The following DDOST variants were observed in gnomAD, a reference collection of about 807,000 sequenced individuals.
The protein encoded by DDOST is dolichyl-diphosphooligosaccharide--protein glycosyltransferase 48 kDa subunit.
In DDOST, 25 loss-of-function variants were observed where a neutral mutation model predicts 47.6. The ratio of observed to expected loss-of-function variants is 0.53; its 90% CI spans 0.38 to 0.73. The LOEUF (loss-of-function observed/expected upper bound fraction) is 0.73, where lower values mean the gene tolerates loss of function less well. Among genes scored for constraint, DDOST ranks in the 30% least tolerant of loss-of-function variants. The probability of loss-of-function intolerance (pLI) is 0.00; values close to 1 mark genes in which losing one functional copy is unlikely to be tolerated. For synonymous variants in DDOST, 275 were observed against 236.0 expected, an observed-to-expected ratio of 1.17 and a Z score of -1.51; for missense variants, 526 against 573.9, an observed-to-expected ratio of 0.92 and a Z score of 0.85.
rs2154534168 is a variant in DDOST at position 20,652,200 on chromosome 1, A to C, written c.*179T>G. ...ACTTTTAGCAATTCAAAGTGGAAAAACTTCTTTTATATAAAAATTATCCCA... is the reference window on the plus strand; with the variant it reads ...ACTTTTAGCAATTCAAAGTGGAAAACCTTCTTTTATATAAAAATTATCCCA... On this transcript the variant is annotated 3_prime_UTR_variant, in exon 11 of 11. Transcript: ENST00000602624. The C allele has an allele frequency of 3.5e-6, 2 of 577,350 alleles. No homozygotes were observed. Among genetic ancestry groups the C allele is most frequent in the Non-Finnish European group, 5.6e-6 (2 of 356,956 alleles). The allele number at this position is 577,350 out of a possible 1,614,324, so 35.8% of individuals were successfully genotyped here. A position where few individuals can be genotyped will look rare whatever the true frequency, so the allele number is the denominator to read the frequency against.
chr1:20,653,011 T>G, intron 8 of DDOST, 40 bp from the exon 9 acceptor site: 1 of 1,610,976 alleles, frequency 6.2e-7, no homozygotes. Context: ...TGGCCATGAC[T>G]GGAGGCCTTC....
chr1:20,655,914 T>A (rs527254326), intron 3 of DDOST, 135 bp from the exon 4 acceptor site: 1 of 825,706 alleles, frequency 1.2e-6, no homozygotes, highest in African/African-American at 1.7e-5. Flanking sequence ...CAGCCCCAGA[T>A]GGACCCCTGG....
intron 2 of DDOST, 120 bp downstream of exon 2, chr1:20,660,761 G>T: frequency 1.6e-6 from 1 of 642,370 alleles, no homozygotes. Context: ...CTCCGTGGTA[G>T]CACCATCCAG....
At chr1:20,655,171 G>GTTTTTTT (rs869053335) in intron 5 of DDOST, among the ~76,000 whole-genome samples, 2 of 77,214 alleles carry the variant, frequency 2.6e-5, no homozygotes, top group Non-Finnish European at 2.7e-5. Context: ...ACTTTTTTTT[G>GTTTTTTT]TTTTTTTTTT....
At chr1:20,655,419 T>C in intron 5 of DDOST, 21 bp downstream of exon 5, 4 of 1,586,892 alleles carry the variant, frequency 2.5e-6, no homozygotes, top group Non-Finnish European at 3.4e-6. Context: ...TCTGCTGTCC[T>C]CTCCCTGCTC....
rs147377271 is a variant in DDOST at position 20,660,574 on chromosome 1, C to T, written c.265+307G>A. 10 of 219,920 alleles carry T rather than the reference C, an allele frequency of 4.5e-5. No individual in the cohort carries two copies. The East Asian group carries it at 8.5e-4, about 19-fold the overall frequency. The allele number at this position is 219,920 out of a possible 1,614,324, so 13.6% of individuals were successfully genotyped here. On this transcript the variant is annotated intron_variant, in intron 2 of 10. Coordinates refer to ENST00000602624, the MANE Select transcript of DDOST (RefSeq NM_005216.5). ...CCTCTTTCCACCCAGGCAAACCCAA[C>T]CCAGGAGCTTTCCATCTTTTTATCA...
chr1:20,655,667 C>T lies in DDOST; in HGVS notation c.456+9G>A. 6.2e-7 allele frequency: 1 copy of T among 1,611,054 alleles called. No individual in the cohort carries two copies. The highest frequency in any genetic ancestry group is 1.3e-5 in the African/African-American group (1 of 74,972). ...CCCCTGAAACCTGGAAGGTGACAGGCCTGATTACCTGGCCAAGGTCTGAGA... is the reference window on the plus strand; with the variant it reads ...CCCCTGAAACCTGGAAGGTGACAGGTCTGATTACCTGGCCAAGGTCTGAGA... On this transcript the variant is annotated intron_variant, in intron 4 of 10. Transcript: ENST00000602624.
Position 20,652,396 on chromosome 1 carries a change from TCTC to T in DDOST, c.1300_1302del (p.Glu434del), listed in dbSNP as rs780174398. On this transcript the variant is annotated inframe_deletion, in exon 11 of 11. Coordinates refer to ENST00000602624, the MANE Select transcript of DDOST (RefSeq NM_005216.5). Reference sequence around the variant, plus strand: ...CTAGCCCCTCAGTCGGACTTCTCCTTCTCCTTCATGTGCAAGAAGACGATGCTG... The same window carrying T: ...CTAGCCCCTCAGTCGGACTTCTCCTTCTTCATGTGCAAGAAGACGATGCTG... 27 of 1,613,158 alleles carry T rather than the reference TCTC, an allele frequency of 1.7e-5. No homozygotes were observed. Among genetic ancestry groups the T allele is most frequent in the South Asian group, 5.5e-5 (5 of 90,964 alleles).
intron 8 of DDOST, 123 bp downstream of exon 8, chr1:20,653,504 T>G (rs546866931): frequency 9.7e-7 from 1 of 1,033,546 alleles, no homozygotes; most frequent in Non-Finnish European, 1.4e-6. Context: ...GGTGTAGGGA[T>G]TAACTTATTC....
In DDOST at chr1:20,655,437, C is replaced by T; in HGVS notation, c.551+3G>A. On this transcript the variant is annotated splice_donor_region_variant and intron_variant, in intron 5 of 10. Transcript: ENST00000602624. ...GCTGTCCTCTCCCTGCTCACTCACT[C>T]ACCCAACACCTCGAAAGAGGATGGG... The T allele has an allele frequency of 6.2e-7, 1 of 1,611,218 alleles. No individual in the cohort carries two copies. Among genetic ancestry groups the T allele is most frequent in the Non-Finnish European group, 8.5e-7 (1 of 1,177,898 alleles).
chr1:20,654,168 A>G, intron 7 of DDOST, 55 bp downstream of exon 7: 1 of 1,545,304 alleles, frequency 6.5e-7, no homozygotes, highest in Admixed American at 2.0e-5. Context: ...AGTCCTCCCC[A>G]TATACACACA....
chr1:20,652,722 T>C lies in DDOST; in HGVS notation c.1069A>G (p.Lys357Glu). 6.2e-7 allele frequency: 1 copy of C among 1,614,216 alleles called. No individual in the cohort carries two copies. The highest frequency in any genetic ancestry group is 8.5e-7 in the Non-Finnish European group (1 of 1,180,024). Residue 357 changes from lysine (K) to glutamate (E), a missense_variant, in exon 10 of 11, where the codon AAA becomes GAA. Physicochemically the swap from Lys to Glu is moderately conservative, Grantham distance 56 (BLOSUM62 1). Coordinates refer to ENST00000602624, the MANE Select transcript of DDOST (RefSeq NM_005216.5). Reference sequence around the variant, plus strand: ...GGCAACTTGAACTGAACACTGTATTTGCCACCTGCGGAAGAACCAACAAGA... The same window carrying C: ...GGCAACTTGAACTGAACACTGTATTCGCCACCTGCGGAAGAACCAACAAGA... The part of the protein sequence containing the change: ...VRTFLKKKGG[K>E]YSVQFKLPDV...
At chr1:20,658,982 A>G (rs1192420820) in intron 2 of DDOST, among the ~76,000 whole-genome samples, 1 of 149,378 alleles carries the variant, frequency 6.7e-6, no homozygotes, top group Non-Finnish European at 1.5e-5. Context: ...CAGCTTCCCC[A>G]GTAGCTGGGA....
chr1:20,659,760 C>T (rs542988037), intron 2 of DDOST, among the ~76,000 whole-genome samples: 21 of 152,158 alleles, frequency 1.4e-4, no homozygotes, highest in African/African-American at 4.8e-4. Context: ...AACTGAATCT[C>T]GCATGAACTA....
Position 20,655,539 on chromosome 1 carries a change from A to G in DDOST, c.457-5T>C, listed in dbSNP as rs2053362475. The stretch of plus-strand genomic sequence containing the variant: ...GTCAGCCACGATGAGCGTATGCTGC[A>G]AAGAGTAGATGGAAAGGTGGGTGGT... On this transcript the variant is annotated splice_polypyrimidine_tract_variant and splice_region_variant and intron_variant, in intron 4 of 10. Transcript: ENST00000602624. 1.1e-5 allele frequency: 18 copies of G among 1,613,678 alleles called. No individual in the cohort carries two copies. The highest frequency in any genetic ancestry group is 1.5e-5 in the Non-Finnish European group (18 of 1,179,654).
chr1:20,654,486 G>T (rs1227050272), intron 6 of DDOST, 115 bp from the exon 7 acceptor site: 4 of 1,418,610 alleles, frequency 2.8e-6, no homozygotes, highest in Admixed American at 2.0e-5. Context: ...CTACCTGAAG[G>T]GGGAGCCTGA....
Position 20,654,644 on chromosome 1 carries a change from G to A in DDOST, c.615C>T (p.Tyr205=). ...LDILTGSSTS[Y]SFFPDKPITQ... The stretch of plus-strand genomic sequence containing the variant: ...TGATAGGCTTGTCCGGGAAGAAGGA[G>A]TAAGAGGTGGAAGAGCCCGTCAGGA... The change falls in exon 6 of 11, where the codon TAC becomes TAT. Residue 205 remains tyrosine, a synonymous_variant. Coordinates refer to ENST00000602624, the MANE Select transcript of DDOST (RefSeq NM_005216.5). The A allele has an allele frequency of 6.4e-7, 1 of 1,565,676 alleles. No homozygotes were observed. The highest frequency in any genetic ancestry group is 1.2e-5 in the South Asian group (1 of 85,208).
At position 20,652,302 on chromosome 1, in the gene DDOST, A is replaced by G; in HGVS notation, c.*77T>C. ...GCCATTTTCCCACGGCTTTAAACAA[A>G]GCAAAACAAAACCACCAATCCTAAT... On this transcript the variant is annotated 3_prime_UTR_variant, in exon 11 of 11. Coordinates refer to ENST00000602624, the MANE Select transcript of DDOST (RefSeq NM_005216.5). The G allele has an allele frequency of 7.0e-7, 1 of 1,424,604 alleles. No homozygotes were observed. Among genetic ancestry groups the G allele is most frequent in the Non-Finnish European group, 9.3e-7 (1 of 1,078,112 alleles). The allele number at this position is 1,424,604 out of a possible 1,614,324, so 88.2% of individuals were successfully genotyped here.
chr1:20,656,022 A>C, intron 3 of DDOST, 79 bp downstream of exon 3: 1 of 1,274,054 alleles, frequency 7.8e-7, no homozygotes, highest in Non-Finnish European at 1.1e-6. Flanking sequence ...GTGAATGCTA[A>C]TTTGGCAGCT....
Sources: allele counts gnomAD v4.1 joint callset (sites outside exome capture counted in the v4.1 genomes callset), GRCh38; gene constraint gnomAD v4.1.1; transcripts MANE v1.5; gene names NCBI Gene and HGNC (gene_info 2026-07-23, HGNC 2026-07-21).